Variants in LCP2 observed in about 807,000 individuals in gnomAD.
LCP2 encodes 76 kDa tyrosine phosphoprotein.
LCP2 carries 29 observed loss-of-function variants against 74.5 expected under a neutral mutation model. The ratio of observed to expected loss-of-function variants is 0.39; its 90% CI spans 0.29 to 0.53. The LOEUF (loss-of-function observed/expected upper bound fraction) is 0.53, where lower values mean the gene tolerates loss of function less well. LCP2 is among the 20% of genes least tolerant of loss of function. The pLI is 0.72. For synonymous variants in LCP2, 228 were observed against 229.5 expected, an observed-to-expected ratio of 0.99 and a Z score of 0.06; for missense variants, 604 against 634.6, an observed-to-expected ratio of 0.95 and a Z score of 0.52.
intron 3 of LCP2, among the ~76,000 whole-genome samples, chr5:170,277,074 T>TAAAAA (rs750930541): frequency 1.1e-5 from 1 of 91,142 alleles, no homozygotes; most frequent in Non-Finnish European, 2.1e-5. Flanking sequence ...GACTCCATCT[T>TAAAAA]AAAAAAAAAA....
intron 2 of LCP2, among the ~76,000 whole-genome samples, chr5:170,292,286 G>T (rs1475803691): frequency 6.6e-6 from 1 of 152,152 alleles, no homozygotes; most frequent in Middle Eastern, 3.2e-3. Context: ...GCAAAACTCA[G>T]ACCAATAGGA....
chr5:170,273,990 G>C (rs1561973070), intron 6 of LCP2: 1 of 381,670 alleles, frequency 2.6e-6, no homozygotes, highest in Non-Finnish European at 4.9e-6. Context: ...CTAGGGCCAC[G>C]TGCAGCCTAC....
intron 20 of LCP2, 35 bp from the exon 21 acceptor site, chr5:170,248,854 T>G (rs370371522): frequency 1.2e-6 from 2 of 1,606,184 alleles, no homozygotes; most frequent in Non-Finnish European, 1.7e-6. Context: ...GAGTCAACAT[T>G]GGAATGAAAA....
chr5:170,284,753 C>CTTT (rs35520354), intron 3 of LCP2, among the ~76,000 whole-genome samples: 5 of 137,872 alleles, frequency 3.6e-5, no homozygotes, highest in Admixed American at 7.2e-5. Context: ...TTCCTTGATG[C>CTTT]TTTTTTTTTT....
Position 170,258,955 on chromosome 5 carries a change from A to G in LCP2, c.958-77T>C, listed in dbSNP as rs571825025. The G allele has an allele frequency of 7.2e-5, 62 of 857,596 alleles. No individual in the cohort carries two copies. In the East Asian group the frequency reaches 1.6e-3, roughly 22 times the overall value. 53.1% of individuals were successfully genotyped at this position (857,596 alleles called of 1,614,324 possible). ...CTTAAAATAAAAACTGCATTTCTCA[A>G]TCAAATAAATCAAATAGGTATCTGT... On this transcript the variant is annotated intron_variant, in intron 14 of 20. Coordinates refer to ENST00000046794, the MANE Select transcript of LCP2 (RefSeq NM_005565.5).
intron 6 of LCP2, 121 bp downstream of exon 6, chr5:170,274,180 T>G: frequency 9.6e-7 from 1 of 1,042,994 alleles, no homozygotes; most frequent in Non-Finnish European, 1.5e-6. Flanking sequence ...TTCTGGGCCC[T>G]GGGTGGGTGT....
rs1276727310 is a variant in LCP2, at chr5:170,248,024, G to GAA, written c.*672_*673insTT. The GAA allele has an allele frequency of 1.3e-5, 2 of 152,028 alleles. No homozygotes were observed. The highest frequency in any genetic ancestry group is 2.9e-5 in the Non-Finnish European group (2 of 68,008). The allele number at this position is 152,028 out of a possible 1,614,324, so 9.4% of individuals were successfully genotyped here. A position where few individuals can be genotyped will look rare whatever the true frequency, so the allele number is the denominator to read the frequency against. On this transcript the variant is annotated 3_prime_UTR_variant, in exon 21 of 21. Coordinates refer to ENST00000046794, the MANE Select transcript of LCP2 (RefSeq NM_005565.5). The stretch of plus-strand genomic sequence containing the variant: ...TATTTGTAGTTTAAATTTTCTTTAA[G>GAA]ACAAAAATATAACAGTATGGACTAA...
intron 3 of LCP2, among the ~76,000 whole-genome samples, chr5:170,284,231 TCATTCCTATGTACA>T (rs1762147540): frequency 6.6e-6 from 1 of 152,206 alleles, no homozygotes; most frequent in African/African-American, 2.4e-5. Context: ...CTGGCACCCT[TCATTCCTATGTACA>T]CATCCCTTTC....
At chr5:170,295,926 T>C (rs1762373103) in intron 1 of LCP2, among the ~76,000 whole-genome samples, 3 of 151,110 alleles carry the variant, frequency 2.0e-5, no homozygotes, top group South Asian at 4.2e-4. Flanking sequence ...CAGTGAGGTC[T>C]TCCTGTACCA....
chr5:170,289,607 C>CTTTCTTTCTT (rs747789227), intron 2 of LCP2, among the ~76,000 whole-genome samples: 4 of 143,516 alleles, frequency 2.8e-5, no homozygotes, highest in African/African-American at 1.1e-4. Flanking sequence ...TTCTTTCTTT[C>CTTTCTTTCTT]TTTCTTTCTT....
chr5:170,295,332 T>G (rs1170390753), intron 1 of LCP2, among the ~76,000 whole-genome samples: 1 of 152,164 alleles, frequency 6.6e-6, no homozygotes, highest in Admixed American at 6.5e-5. Context: ...AGGAGCCAGT[T>G]AATAGAGAAG....
chr5:170,271,056 T>C, intron 6 of LCP2, 139 bp from the exon 7 acceptor site: 1 of 680,854 alleles, frequency 1.5e-6, no homozygotes, highest in Non-Finnish European at 2.4e-6. Flanking sequence ...ACTCCCATTT[T>C]ACAGATGAGG....
At chr5:170,281,427 C>A (rs1051419105) in intron 3 of LCP2, among the ~76,000 whole-genome samples, 1 of 152,220 alleles carries the variant, frequency 6.6e-6, no homozygotes, top group African/African-American at 2.4e-5. Context: ...CTACAGGTGC[C>A]TGCCACCACA....
chr5:170,249,183 G>T (rs1032974731), intron 20 of LCP2, among the ~76,000 whole-genome samples: 11 of 151,894 alleles, frequency 7.2e-5, no homozygotes, highest in Non-Finnish European at 1.5e-4. Context: ...ATATTAGCTG[G>T]GCGTGCTGGT....
rs1344735735 is a variant in LCP2, at chr5:170,247,025, A to T, written c.*1672T>A. On this transcript the variant is annotated 3_prime_UTR_variant, in exon 21 of 21. Transcript: ENST00000046794. ...TTCGCTACCAAATAGTTGCTTTGAA[A>T]TCTATCAGGTCCTTCATTTTAGATA... 6.6e-6 allele frequency: 1 copy of T among 152,214 alleles called. No homozygotes were observed. The highest frequency in any genetic ancestry group is 1.5e-5 in the Non-Finnish European group (1 of 68,038). The allele number at this position is 152,214 out of a possible 1,614,324, so 9.4% of individuals were successfully genotyped here.
chr5:170,294,634 T>C (rs1184077348), intron 1 of LCP2, among the ~76,000 whole-genome samples: 2 of 152,178 alleles, frequency 1.3e-5, no homozygotes, highest in Non-Finnish European at 2.9e-5. Flanking sequence ...ATAAATACAA[T>C]TGTTATGAAA....
At position 170,267,031 on chromosome 5, in the gene LCP2, G is replaced by T. The variant is rs1302299204; in HGVS notation, c.666C>A (p.Ser222Arg). 6.2e-7 allele frequency: 1 copy of T among 1,613,870 alleles called. No individual in the cohort carries two copies. Among genetic ancestry groups the T allele is most frequent in the Non-Finnish European group, 8.5e-7 (1 of 1,179,886 alleles). Reference protein sequence around the residue: ...PQTNHEEPSRSRNHKTAKLPA... With the variant: ...PQTNHEEPSRRRNHKTAKLPA... ...CACGCTTTGCCGTTTTGTGGTTTCT[G>T]CTTCTGCTGGGTTCTTCGTGGTTGG... Residue 222 changes from serine (S) to arginine (R), a missense_variant, in exon 9 of 21, where the codon AGC becomes AGA. Coordinates refer to ENST00000046794, the MANE Select transcript of LCP2 (RefSeq NM_005565.5).
chr5:170,268,131 C>T (rs1343411671), intron 8 of LCP2, among the ~76,000 whole-genome samples: 1 of 152,132 alleles, frequency 6.6e-6, no homozygotes, highest in Admixed American at 6.5e-5. Context: ...TAATTCGGTT[C>T]TCTTTGGGTT....
intron 15 of LCP2, 183 bp from the exon 16 acceptor site, chr5:170,258,349 A>C (rs915873882): frequency 1.0e-5 from 6 of 574,088 alleles, no homozygotes; most frequent in Non-Finnish European, 1.2e-5. Context: ...TAGATGACTT[A>C]ACCACCATAG....
Sources: gnomAD v4.1 joint callset for allele counts (sites outside exome capture counted in the v4.1 genomes callset) on GRCh38, gnomAD v4.1.1 for gene constraint, MANE v1.5 for transcripts, NCBI Gene and HGNC (gene_info 2026-07-23, HGNC 2026-07-21) for gene names.